Variants in COMMD1 observed in about 807,000 individuals in gnomAD.
COMMD1 encodes copper metabolism domain containing 1, also known as COMM domain-containing protein 1.
COMMD1 carries 10 observed loss-of-function variants against 17.2 expected under a neutral mutation model. The ratio of observed to expected loss-of-function variants is 0.58; its 90% CI spans 0.36 to 0.99. The LOEUF is 0.99. Ranked by LOEUF, COMMD1 falls within the 50% of genes least tolerant of loss-of-function variation. The pLI is 0.01. For missense variants in COMMD1, 270 were observed against 231.8 expected, an observed-to-expected ratio of 1.17 and a Z score of -1.07; for synonymous variants, 97 against 91.6, an observed-to-expected ratio of 1.06 and a Z score of -0.34.
At chr2:61,938,093 C>G (rs918087234) in intron 1 of COMMD1, among the ~76,000 whole-genome samples, 6 of 152,100 alleles carry the variant, frequency 3.9e-5, no homozygotes, top group Non-Finnish European at 7.3e-5. Context: ...AGAGAGGGCT[C>G]TCCTCTACCA....
chr2:62,044,480 A>G (rs1227135008), intron 2 of COMMD1, among the ~76,000 whole-genome samples: 1 of 152,184 alleles, frequency 6.6e-6, no homozygotes, highest in East Asian at 1.9e-4. Flanking sequence ...TAAGCTACCA[A>G]TTTAAGCTGG....
intron 2 of COMMD1, among the ~76,000 whole-genome samples, chr2:62,025,087 G>C (rs1224028138): frequency 1.3e-5 from 2 of 152,026 alleles, no homozygotes; most frequent in African/African-American, 4.8e-5. Context: ...AGGCATGGTG[G>C]TGCACACCTG....
chr2:62,049,201 G>GAA (rs11288339), intron 2 of COMMD1, among the ~76,000 whole-genome samples: 11 of 140,792 alleles, frequency 7.8e-5, no homozygotes, highest in South Asian at 4.5e-4. Context: ...TAATTACCAG[G>GAA]AAAAAAAAAA....
chr2:61,912,915 G>A (rs989313677), intron 1 of COMMD1, among the ~76,000 whole-genome samples: 5 of 152,180 alleles, frequency 3.3e-5, no homozygotes, highest in African/African-American at 7.2e-5. Context: ...GCTGACCTGC[G>A]TGGTGGCACA....
intron 1 of COMMD1, among the ~76,000 whole-genome samples, chr2:61,936,651 C>G (rs767163345): frequency 4.5e-4 from 69 of 152,112 alleles, no homozygotes; most frequent in Non-Finnish European, 4.0e-4. Flanking sequence ...CCAGGATGGT[C>G]TTGAACTCCT....
At chr2:62,105,092 T>C (rs543808944) in intron 2 of COMMD1, among the ~76,000 whole-genome samples, 156 of 144,380 alleles carry the variant, frequency 1.1e-3, no homozygotes, top group African/African-American at 2.6e-3. Context: ...ACCATTGCAC[T>C]CCAGCCTGGG....
At chr2:62,067,883 G>A (rs950747275) in intron 2 of COMMD1, among the ~76,000 whole-genome samples, 2 of 152,144 alleles carry the variant, frequency 1.3e-5, no homozygotes, top group Admixed American at 6.6e-5. Flanking sequence ...CCAAGGTGCC[G>A]TATTTTGAGG....
At chr2:61,896,104 T>A (rs1190007983) in intron 1 of COMMD1, among the ~76,000 whole-genome samples, 1 of 152,206 alleles carries the variant, frequency 6.6e-6, no homozygotes, top group Non-Finnish European at 1.5e-5. Context: ...TAAACACCAA[T>A]GCAAAGTTAC....
chr2:61,969,356 T>TA (rs1161102810), intron 1 of COMMD1, among the ~76,000 whole-genome samples: 3 of 152,116 alleles, frequency 2.0e-5, no homozygotes, highest in East Asian at 3.8e-4. Context: ...AAATCAGGAT[T>TA]AAAAAAACAT....
At chr2:61,933,418 C>T (rs1224394465) in intron 1 of COMMD1, among the ~76,000 whole-genome samples, 11 of 151,798 alleles carry the variant, frequency 7.2e-5, no homozygotes, top group Admixed American at 6.6e-4. Context: ...GCCAAAAAGT[C>T]AACATTTGGG....
intron 1 of COMMD1, among the ~76,000 whole-genome samples, chr2:61,973,009 T>C (rs943313229): frequency 8.5e-5 from 13 of 152,214 alleles, no homozygotes; most frequent in African/African-American, 4.8e-5. Context: ...TTATATGAAA[T>C]ACTACTTTAT....
At chr2:61,909,918 C>T (rs1176103053) in intron 1 of COMMD1, among the ~76,000 whole-genome samples, 1 of 152,182 alleles carries the variant, frequency 6.6e-6, no homozygotes, top group Non-Finnish European at 1.5e-5. Context: ...TTCCCTCTGA[C>T]TTTCATGTTG....
upstream of COMMD1, among the ~76,000 whole-genome samples, chr2:61,902,955 A>G (rs1230148606): frequency 6.6e-6 from 1 of 152,296 alleles, no homozygotes; most frequent in East Asian, 1.9e-4. Flanking sequence ...CGTGTTTAAT[A>G]GTGCTTTTTC....
At chr2:62,062,946 T>A (rs1469999778) in intron 2 of COMMD1, among the ~76,000 whole-genome samples, 2 of 151,034 alleles carry the variant, frequency 1.3e-5, no homozygotes, top group East Asian at 3.9e-4. Context: ...TGGCCAGGCA[T>A]GGTGGCTCAT....
intron 1 of COMMD1, among the ~76,000 whole-genome samples, chr2:61,994,470 G>A (rs180782112): frequency 6.6e-6 from 1 of 152,088 alleles, no homozygotes; most frequent in Admixed American, 6.5e-5. Context: ...TTTTCTTTCA[G>A]CTCCAGTCTC....
chr2:61,898,240 T>C lies in COMMD1; in HGVS notation n.119+9398T>C, dbSNP rs114129910. 5.7e-3 allele frequency among the ~76,000 whole-genome samples: 868 copies of C among 152,098 alleles called. 10 individuals are homozygous for C. The highest frequency in any genetic ancestry group is 0.02 in the African/African-American group (834 of 41,490). Reference sequence around the variant, plus strand: ...CCTGTAATCACAGCAGTTTGGGAGGTCAAGGTGGGAGGATCACTTGACCTC... The same window carrying C: ...CCTGTAATCACAGCAGTTTGGGAGGCCAAGGTGGGAGGATCACTTGACCTC... On this transcript the variant is annotated intron_variant and non_coding_transcript_variant, in intron 1 of 2. Coordinates refer to the COMMD1 transcript ENST00000472729.
intron 1 of COMMD1, among the ~76,000 whole-genome samples, chr2:61,920,300 A>G (rs1670155891): frequency 6.6e-6 from 1 of 152,154 alleles, no homozygotes; most frequent in African/African-American, 2.4e-5. Flanking sequence ...AATTTTTACA[A>G]TGAAGTTGGA....
At chr2:61,917,802 A>G (rs906991464) in intron 1 of COMMD1, among the ~76,000 whole-genome samples, 6 of 152,234 alleles carry the variant, frequency 3.9e-5, no homozygotes, top group Non-Finnish European at 8.8e-5. Flanking sequence ...AAGTGCTGGG[A>G]TTACAGGCGT....
chr2:61,992,654 C>T (rs553530252), intron 1 of COMMD1, among the ~76,000 whole-genome samples: 1 of 152,328 alleles, frequency 6.6e-6, no homozygotes, highest in South Asian at 2.1e-4. Flanking sequence ...GGATGCCGAA[C>T]ATCCCTAGCT....
Sources: gnomAD v4.1 joint callset for allele counts (sites outside exome capture counted in the v4.1 genomes callset) on GRCh38, gnomAD v4.1.1 for gene constraint, MANE v1.5 for transcripts, NCBI Gene and HGNC (gene_info 2026-07-23, HGNC 2026-07-21) for gene names.